The following SHROOM3 variants were observed in gnomAD, a reference collection of about 807,000 sequenced individuals.
SHROOM3 encodes the protein protein Shroom3.
A neutral mutation model predicts 138.6 loss-of-function variants in SHROOM3; 47 were observed. The observed-to-expected ratio is 0.34, with a 90% CI of 0.27 to 0.43. SHROOM3 has a LOEUF of 0.43. SHROOM3 is among the 20% of genes least tolerant of loss of function. SHROOM3 has a pLI of 1.00. For synonymous variants in SHROOM3, 1,062 were observed against 1,063.3 expected (o/e 1.00, Z 0.02); for missense variants, 2,491 against 2,596.5 (o/e 0.96, Z 0.88).
chr4:76,774,254 C>A (rs1722467406), intron 10 of SHROOM3, among the ~76,000 whole-genome samples: 1 of 152,120 alleles, frequency 6.6e-6, no homozygotes, highest in Non-Finnish European at 1.5e-5. Context: ...TGTTTTAGAA[C>A]CGAATTAAAT....
At chr4:76,646,225 A>AATAAATATATATATATATATATATAT (rs61374645) in intron 2 of SHROOM3, among the ~76,000 whole-genome samples, 155 of 95,948 alleles carry the variant, frequency 1.6e-3, no homozygotes, top group South Asian at 4.9e-3. Context: ...ATAATAAATA[A>AATAAATATATATATATATATATATAT]ATATATATAT....
At chr4:76,546,155 C>G (rs1446703484) in intron 1 of SHROOM3, among the ~76,000 whole-genome samples, 1 of 152,138 alleles carries the variant, frequency 6.6e-6, no homozygotes, top group Non-Finnish European at 1.5e-5. Flanking sequence ...GCAGAGCAAA[C>G]AACATTATCT....
In SHROOM3 at chr4:76,518,482, G is replaced by GCC. The variant is rs200586520; in HGVS notation, c.169-37127_169-37126insCC. On this transcript the variant is annotated intron_variant, in intron 1 of 10. Transcript: ENST00000296043. ...CCTCCCCCCTCCTTCCTTTTTGCCT[G>GCC]TCTGCCTGCCTGCCTTCCTTCCTTC... Among the ~76,000 whole-genome samples the GCC allele has an allele frequency of 7.4e-3, 1,068 of 144,456 alleles. 17 individuals carry two copies. The East Asian group carries it at 0.079, about 11-fold the overall frequency. 94.8% of individuals were successfully genotyped at this position (144,456 alleles called of 152,430 possible).
At chr4:76,456,702 T>G (rs1157834441) in intron 1 of SHROOM3, among the ~76,000 whole-genome samples, 1 of 152,344 alleles carries the variant, frequency 6.6e-6, no homozygotes, top group East Asian at 1.9e-4. Context: ...ACATGTCATA[T>G]GGTTTGTTTC....
intron 2 of SHROOM3, among the ~76,000 whole-genome samples, chr4:76,657,126 G>A (rs913193543): frequency 2.0e-5 from 3 of 152,148 alleles, no homozygotes; most frequent in Admixed American, 6.5e-5. Flanking sequence ...GCAGTGAGCC[G>A]AGATCATGCC....
chr4:76,639,662 G>T (rs1232265123), intron 2 of SHROOM3: 1 of 398,446 alleles, frequency 2.5e-6, no homozygotes, highest in Non-Finnish European at 4.4e-6. Flanking sequence ...GGCTTCATGG[G>T]CCTGTGTTTC....
chr4:76,610,751 C>G (rs1050430961), intron 2 of SHROOM3, among the ~76,000 whole-genome samples: 1 of 152,148 alleles, frequency 6.6e-6, no homozygotes, highest in Admixed American at 6.5e-5. Context: ...CCTGCCGTTA[C>G]CCCTCTCCAG....
intron 1 of SHROOM3, among the ~76,000 whole-genome samples, chr4:76,453,602 G>A (rs1730971225): frequency 6.6e-6 from 1 of 152,092 alleles, no homozygotes; most frequent in Non-Finnish European, 1.5e-5. Flanking sequence ...CTCATTTTGT[G>A]ATTTTGACTT....
chr4:76,689,773 A>G, intron 2 of SHROOM3: 3 of 982,132 alleles, frequency 3.1e-6, no homozygotes, highest in Non-Finnish European at 3.6e-6. Flanking sequence ...GAGCGCGTCT[A>G]TTTCGGGCTC....
intron 1 of SHROOM3, among the ~76,000 whole-genome samples, chr4:76,533,690 G>A (rs1209334905): frequency 4.6e-5 from 7 of 152,164 alleles, no homozygotes; most frequent in Admixed American, 4.6e-4. Context: ...TAAGTAATAA[G>A]CATGTAAAAC....
intron 2 of SHROOM3, among the ~76,000 whole-genome samples, chr4:76,663,221 T>A (rs1018327464): frequency 2.0e-5 from 3 of 152,144 alleles, no homozygotes; most frequent in Non-Finnish European, 4.4e-5. Flanking sequence ...CTTTGTCAGC[T>A]TGAAACCAAC....
At chr4:76,529,045 C>T (rs1246990999) in intron 1 of SHROOM3, among the ~76,000 whole-genome samples, 1 of 152,168 alleles carries the variant, frequency 6.6e-6, no homozygotes, top group Non-Finnish European at 1.5e-5. Flanking sequence ...TCTAAACTTG[C>T]CCCGGTCTAT....
At chr4:76,766,509 C>T (rs1377795820) in intron 9 of SHROOM3, among the ~76,000 whole-genome samples, 2 of 152,174 alleles carry the variant, frequency 1.3e-5, no homozygotes, top group Non-Finnish European at 2.9e-5. Context: ...ACAGGGTGAG[C>T]TAACAGTTTA....
intron 2 of SHROOM3, among the ~76,000 whole-genome samples, chr4:76,569,752 G>T (rs992927156): frequency 6.6e-6 from 1 of 151,492 alleles, no homozygotes; most frequent in East Asian, 1.9e-4. Flanking sequence ...CATCAAAACG[G>T]CTGTGGTGTC....
rs181605316 is a variant in SHROOM3, at chr4:76,676,211, G to A, written c.324-33945G>A. ...AGGGAAAAAATGGCTGGAGCAACTG[G>A]GAAAAGATCTTGGAAGAATGGGACT... is the stretch of plus-strand genomic sequence containing the variant. On this transcript the variant is annotated intron_variant, in intron 2 of 10. Transcript: ENST00000296043. 6.4e-3 allele frequency among the ~76,000 whole-genome samples: 981 copies of A among 152,222 alleles called. 7 individuals are homozygous for A. The highest frequency in any genetic ancestry group is 0.011 in the South Asian group (51 of 4,816).
chr4:76,694,498 A>C (rs1719664193), intron 2 of SHROOM3, among the ~76,000 whole-genome samples: 2 of 152,194 alleles, frequency 1.3e-5, no homozygotes, highest in Admixed American at 1.3e-4. Flanking sequence ...GTTATTCCTT[A>C]CTAAAAATAG....
At chr4:76,436,479 A>C (rs1417493954) in intron 1 of SHROOM3, among the ~76,000 whole-genome samples, 1 of 152,234 alleles carries the variant, frequency 6.6e-6, no homozygotes, top group Non-Finnish European at 1.5e-5. Context: ...AATCGCATAC[A>C]ATCAGTTACC....
chr4:76,655,465 C>T (rs911268086), intron 2 of SHROOM3, among the ~76,000 whole-genome samples: 7 of 152,142 alleles, frequency 4.6e-5, no homozygotes, highest in Admixed American at 1.3e-4. Context: ...AATGTGACCA[C>T]GACCAAGAAA....
At position 76,753,269 on chromosome 4, in the gene SHROOM3, T is replaced by C. The variant is rs554176695; in HGVS notation, c.3828-1042T>C. 3.9e-5 allele frequency among the ~76,000 whole-genome samples: 6 copies of C among 152,266 alleles called. No homozygotes were observed. In the East Asian group the frequency reaches 7.7e-4, roughly 20 times the overall value. Reference sequence around the variant, plus strand: ...GCATCTATGTATAATAAAGGAAAAATAAAGGCATGAGAAGAGCTAATTTGG... The same window carrying C: ...GCATCTATGTATAATAAAGGAAAAACAAAGGCATGAGAAGAGCTAATTTGG... On this transcript the variant is annotated intron_variant, in intron 6 of 10. Coordinates refer to ENST00000296043, the MANE Select transcript of SHROOM3 (RefSeq NM_020859.4).
Sources: gnomAD v4.1 joint callset for allele counts (sites outside exome capture counted in the v4.1 genomes callset) on GRCh38, gnomAD v4.1.1 for gene constraint, MANE v1.5 for transcripts, NCBI Gene and HGNC (gene_info 2026-07-23, HGNC 2026-07-21) for gene names.